Variants in PRKAR2B observed in about 807,000 individuals in gnomAD.
PRKAR2B encodes the protein cAMP-dependent protein kinase type II-beta regulatory subunit.
In PRKAR2B, 14 loss-of-function variants were observed where a neutral mutation model predicts 49.9. That is an observed-to-expected ratio of 0.28 (90% CI 0.19 to 0.44). The LOEUF (loss-of-function observed/expected upper bound fraction) is 0.44, where lower values mean the gene tolerates loss of function less well. Ranked by LOEUF, PRKAR2B falls within the 20% of genes least tolerant of loss-of-function variation. PRKAR2B has a pLI of 1.00. For synonymous variants in PRKAR2B, 196 were observed against 197.7 expected, an observed-to-expected ratio of 0.99 and a Z score of 0.07; for missense variants, 393 against 537.9, an observed-to-expected ratio of 0.73 and a Z score of 2.67.
At chr7:107,084,606 T>C (rs1056386756) in intron 2 of PRKAR2B, among the ~76,000 whole-genome samples, 3 of 151,782 alleles carry the variant, frequency 2.0e-5, no homozygotes, top group Non-Finnish European at 4.4e-5. Flanking sequence ...CCTATTATAA[T>C]GACTACCATC....
In PRKAR2B at chr7:107,140,857, C is replaced by A; in HGVS notation, c.491C>A (p.Ser164Tyr). Reference protein sequence around the residue: ...LFKNLDPEQMSQVLDAMFEKL... With the variant: ...LFKNLDPEQMYQVLDAMFEKL... ...CTTTTTTAAAAATAGGAGCAGATGT[C>A]TCAAGTATTAGATGCCATGTTTGAA... is the stretch of plus-strand genomic sequence containing the variant. Residue 164 changes from serine to tyrosine, a missense_variant, in exon 5 of 11, where the codon TCT becomes TAT. Transcript: ENST00000265717. 6.2e-7 allele frequency: 1 copy of A among 1,609,786 alleles called. No individual in the cohort carries two copies. Among genetic ancestry groups the A allele is most frequent in the Non-Finnish European group, 8.5e-7 (1 of 1,177,726 alleles).
intron 2 of PRKAR2B, among the ~76,000 whole-genome samples, chr7:107,116,538 T>TATGTATAC (rs2115570710): frequency 1.3e-5 from 2 of 152,300 alleles, no homozygotes; most frequent in East Asian, 3.9e-4. Context: ...AACAGAAGAA[T>TATGTATAC]ATGTATACAT....
chr7:107,110,897 G>C (rs1370065272), intron 2 of PRKAR2B, among the ~76,000 whole-genome samples: 1 of 152,186 alleles, frequency 6.6e-6, no homozygotes, highest in Non-Finnish European at 1.5e-5. Flanking sequence ...AGAGGGAAAA[G>C]TAAAGGGGAC....
intron 5 of PRKAR2B, among the ~76,000 whole-genome samples, chr7:107,143,712 T>G (rs1385307116): frequency 2.0e-5 from 3 of 152,224 alleles, no homozygotes; most frequent in African/African-American, 7.2e-5. Flanking sequence ...AATGACACCT[T>G]TGCTTTCTGG....
intron 7 of PRKAR2B, 99 bp downstream of exon 7, chr7:107,151,122 A>C: frequency 1.6e-6 from 1 of 612,698 alleles, no homozygotes; most frequent in East Asian, 3.4e-5. Context: ...AATAAAAAAA[A>C]ATCTATCCAT....
chr7:107,159,717 C>T lies in PRKAR2B; in HGVS notation c.*135C>T. ...TCCTTTTTTTACATTTACAACGTAT[C>T]AATAAACAGTAGTGATTTAATAGTC... is the stretch of plus-strand genomic sequence containing the variant. On this transcript the variant is annotated 3_prime_UTR_variant, in exon 11 of 11. Coordinates refer to ENST00000265717, the MANE Select transcript of PRKAR2B (RefSeq NM_002736.3). 1 of 856,926 alleles carries T rather than the reference C, an allele frequency of 1.2e-6. No homozygotes were observed. The highest frequency in any genetic ancestry group is 1.8e-6 in the Non-Finnish European group (1 of 565,962). The allele number at this position is 856,926 out of a possible 1,614,324, so 53.1% of individuals were successfully genotyped here.
In PRKAR2B at chr7:107,156,394, C is replaced by T. The variant is rs1029105066; in HGVS notation, c.919-590C>T. Among the ~76,000 whole-genome samples the T allele has an allele frequency of 3.9e-5, 6 of 152,140 alleles. No individual in the cohort carries two copies. In the South Asian group the frequency reaches 1.0e-3, roughly 26 times the overall value. On this transcript the variant is annotated intron_variant, in intron 8 of 10. Coordinates refer to ENST00000265717, the MANE Select transcript of PRKAR2B (RefSeq NM_002736.3). ...TGGAGGCTGCAGTGAGCTGAGATTG[C>T]ACCACTGCACTCCAGCCTGGGTGAC...
At chr7:107,068,010 GTTC>G (rs1196687278) in intron 1 of PRKAR2B, among the ~76,000 whole-genome samples, 1 of 152,200 alleles carries the variant, frequency 6.6e-6, no homozygotes, top group Non-Finnish European at 1.5e-5. Context: ...TTGCAGGACA[GTTC>G]TTTGTTGTGC....
intron 2 of PRKAR2B, among the ~76,000 whole-genome samples, chr7:107,095,430 A>G (rs1234745199): frequency 6.6e-6 from 1 of 152,198 alleles, no homozygotes. Flanking sequence ...TCTAAATATA[A>G]AATCATGTCA....
chr7:107,132,722 G>A (rs1188836628), intron 4 of PRKAR2B, among the ~76,000 whole-genome samples: 1 of 152,020 alleles, frequency 6.6e-6, no homozygotes, highest in Non-Finnish European at 1.5e-5. Flanking sequence ...AGGAGGAAGG[G>A]GAAACTAATT....
At chr7:107,143,899 A>G (rs1795836159) in intron 5 of PRKAR2B, among the ~76,000 whole-genome samples, 1 of 152,294 alleles carries the variant, frequency 6.6e-6, no homozygotes, top group South Asian at 2.1e-4. Context: ...AAAATCTGAA[A>G]ATATCTAAAA....
intron 1 of PRKAR2B, among the ~76,000 whole-genome samples, chr7:107,050,107 C>T (rs1793773383): frequency 6.6e-6 from 1 of 151,830 alleles, no homozygotes; most frequent in African/African-American, 2.4e-5. Flanking sequence ...TTACTTTGGG[C>T]TTTGGAAGAA....
At chr7:107,072,144 A>G (rs993777856) in intron 2 of PRKAR2B, among the ~76,000 whole-genome samples, 1 of 151,072 alleles carries the variant, frequency 6.6e-6, no homozygotes, top group Non-Finnish European at 1.5e-5. Flanking sequence ...ATGTAATACC[A>G]CAAAGAAATA....
At chr7:107,150,209 C>T (rs1795958778) in intron 6 of PRKAR2B, among the ~76,000 whole-genome samples, 1 of 151,764 alleles carries the variant, frequency 6.6e-6, no homozygotes. Context: ...GAGCTGTATC[C>T]TTAAAATTTT....
intron 1 of PRKAR2B, among the ~76,000 whole-genome samples, chr7:107,050,664 A>G (rs1793783480): frequency 6.6e-6 from 1 of 152,120 alleles, no homozygotes; most frequent in South Asian, 2.1e-4. Flanking sequence ...TTTTAAGGTG[A>G]GAGATTCAGT....
chr7:107,144,363 G>A (rs141740760), intron 5 of PRKAR2B, among the ~76,000 whole-genome samples: 17,741 of 152,084 alleles, frequency 0.12, 1,479 homozygotes, highest in African/African-American at 0.23. Flanking sequence ...TGGGATTACA[G>A]GCGTGAACCA....
At chr7:107,066,799 C>T (rs1283249618) in intron 1 of PRKAR2B, 1 of 152,096 alleles carries the variant, frequency 6.6e-6, no homozygotes, top group Admixed American at 6.6e-5. Flanking sequence ...TGGTCTTGAA[C>T]TCCTGACTTC....
intron 8 of PRKAR2B, among the ~76,000 whole-genome samples, chr7:107,153,689 A>C (rs1442148628): frequency 6.6e-6 from 1 of 152,238 alleles, no homozygotes. Context: ...TTCCAAGACT[A>C]CATGTGGGTC....
In PRKAR2B at chr7:107,086,547, T is replaced by G. The variant is rs568882703; in HGVS notation, c.343+16231T>G. Among the ~76,000 whole-genome samples the G allele has an allele frequency of 3.3e-5, 5 of 152,166 alleles. No homozygotes were observed. In the South Asian group the frequency reaches 1.0e-3, roughly 32 times the overall value. ...TGGAGTGCAGTGGCATGATCTCAGC[T>G]CACCCCTAGGCTCAAGTGATGCTCC... On this transcript the variant is annotated intron_variant, in intron 2 of 10. Coordinates refer to ENST00000265717, the MANE Select transcript of PRKAR2B (RefSeq NM_002736.3).
Sources: gnomAD v4.1 joint callset for allele counts (sites outside exome capture counted in the v4.1 genomes callset) on GRCh38, gnomAD v4.1.1 for gene constraint, MANE v1.5 for transcripts, NCBI Gene and HGNC (gene_info 2026-07-23, HGNC 2026-07-21) for gene names.